The following COBL variants were observed in gnomAD, a reference collection of about 807,000 sequenced individuals.
COBL encodes the protein cordon-bleu WH2 repeat protein.
Under a neutral mutation model 98.8 loss-of-function variants are expected in COBL, and 51 were observed. The ratio of observed to expected loss-of-function variants is 0.52; its 90% confidence interval spans 0.41 to 0.65. The LOEUF is 0.65. Ranked by LOEUF, COBL falls within the 30% of genes least tolerant of loss-of-function variation. The probability of loss-of-function intolerance (pLI) is 0.00; values close to 1 mark genes in which losing one functional copy is unlikely to be tolerated. For synonymous variants in COBL, 634 were observed against 651.7 expected (o/e 0.97, Z 0.41); for missense variants, 1,617 against 1,617.5 (o/e 1.00, Z 0.01).
chr7:51,286,323 T>C (rs1800356302), intron 1 of COBL, among the ~76,000 whole-genome samples: 1 of 131,876 alleles, frequency 7.6e-6, no homozygotes, highest in Non-Finnish European at 1.6e-5. Context: ...AAACACAAGA[T>C]ACTGACTGAA....
chr7:51,127,651 AAC>A (rs1187020429), intron 6 of COBL, among the ~76,000 whole-genome samples: 1 of 152,210 alleles, frequency 6.6e-6, no homozygotes, highest in African/African-American at 2.4e-5. Context: ...CATAGGAACA[AAC>A]ACACAAAAGA....
intron 5 of COBL, among the ~76,000 whole-genome samples, chr7:51,166,606 G>C (rs185898615): frequency 6.6e-6 from 1 of 152,052 alleles, no homozygotes; most frequent in East Asian, 1.9e-4. Flanking sequence ...CATTCTATGA[G>C]GCCAGTATTA....
chr7:51,171,498 G>A (rs1236887972), intron 5 of COBL, among the ~76,000 whole-genome samples: 1 of 152,068 alleles, frequency 6.6e-6, no homozygotes, highest in Non-Finnish European at 1.5e-5. Context: ...AATTAATGTT[G>A]AACCTTTTCT....
At chr7:51,193,721 A>G (rs533146200) in intron 2 of COBL, 132 bp from the exon 3 acceptor site, 1 of 755,166 alleles carries the variant, frequency 1.3e-6, no homozygotes, top group Admixed American at 2.7e-5. Context: ...AAAAGACAAC[A>G]GAAGCTCATT....
intron 1 of COBL, among the ~76,000 whole-genome samples, chr7:51,265,114 A>C (rs1368513150): frequency 6.6e-6 from 1 of 152,104 alleles, no homozygotes; most frequent in African/African-American, 2.4e-5. Context: ...CCACTCAAGA[A>C]AGTCTACACA....
intron 7 of COBL, chr7:51,073,480 A>C: frequency 1.8e-6 from 1 of 557,326 alleles, no homozygotes; most frequent in African/African-American, 1.9e-5. Flanking sequence ...CTGGAGATTT[A>C]ACACTGCATA....
intron 6 of COBL, among the ~76,000 whole-genome samples, chr7:51,087,491 GGTT>G (rs747129650): frequency 3.9e-4 from 59 of 151,818 alleles, no homozygotes; most frequent in Non-Finnish European, 7.5e-4. Context: ...GGGTTTTTTT[GGTT>G]GTTGTTGTTG....
rs202039697 is a variant in COBL, at chr7:51,272,948, CCAACAACAACAACAA to C, written c.41+43630_41+43644del. 5.8e-4 allele frequency among the ~76,000 whole-genome samples: 85 copies of C among 146,204 alleles called. No homozygotes were observed. The South Asian group carries it at 0.015, about 26-fold the overall frequency. ...GCGTTTTCATCTATGGAACACAATA[CCAACAACAACAACAA>C]CAACAACAACAACAACAACAACAAA... On this transcript the variant is annotated intron_variant, in intron 1 of 12. Coordinates refer to ENST00000265136, the MANE Select transcript of COBL (RefSeq NM_015198.5).
At chr7:51,159,812 C>A (rs1041115559) in intron 5 of COBL, among the ~76,000 whole-genome samples, 4 of 152,140 alleles carry the variant, frequency 2.6e-5, no homozygotes, top group Non-Finnish European at 5.9e-5. Flanking sequence ...AAAAATTCAT[C>A]AAAGCTTTAA....
rs186571075 is a variant in COBL, at chr7:51,067,237, A to G, written c.1096+17929T>C. 3.1e-3 allele frequency among the ~76,000 whole-genome samples: 468 copies of G among 152,388 alleles called. 1 individual carries two copies. Among genetic ancestry groups the G allele is most frequent in the Non-Finnish European group, 5.5e-3 (375 of 68,040 alleles). On this transcript the variant is annotated intron_variant, in intron 7 of 12. Coordinates refer to ENST00000265136, the MANE Select transcript of COBL (RefSeq NM_015198.5). ...ACACACAGTGTATACACATGGATGT[A>G]TGAGTGCACGCACGTGTTATGTATA...
chr7:51,142,383 A>ATTTTTTTTTTTTTTTTTTTTTTTT (rs10608547), intron 5 of COBL, among the ~76,000 whole-genome samples: 1 of 71,412 alleles, frequency 1.4e-5, no homozygotes, highest in Non-Finnish European at 3.0e-5. Flanking sequence ...CTGGTATTTG[A>ATTTTTTTTTTTTTTTTTTTTTTTT]TTTTTTTTTT....
At chr7:51,265,441 T>A (rs553354714) in intron 1 of COBL, among the ~76,000 whole-genome samples, 1 of 152,272 alleles carries the variant, frequency 6.6e-6, no homozygotes, top group East Asian at 1.9e-4. Flanking sequence ...CCAGGCTGGA[T>A]GGGGACAGGC....
chr7:51,052,567 G>C (rs1024693920), intron 7 of COBL, among the ~76,000 whole-genome samples: 5 of 152,146 alleles, frequency 3.3e-5, no homozygotes, highest in Non-Finnish European at 7.4e-5. Flanking sequence ...CAAAGCTGGT[G>C]TCTTAGTTTT....
chr7:51,267,452 A>G (rs547627388), intron 1 of COBL, among the ~76,000 whole-genome samples: 95 of 151,890 alleles, frequency 6.3e-4, no homozygotes, highest in African/African-American at 2.1e-3. Flanking sequence ...CTCTACTTCC[A>G]TTTTCATACA....
chr7:51,036,876 T>C (rs778071534), intron 8 of COBL, among the ~76,000 whole-genome samples: 7 of 152,344 alleles, frequency 4.6e-5, no homozygotes, highest in Middle Eastern at 3.4e-3. Flanking sequence ...TCCTGTGGAA[T>C]TGATGTTCCC....
chr7:51,022,070 T>C (rs752092666), intron 12 of COBL, among the ~76,000 whole-genome samples: 15 of 152,078 alleles, frequency 9.9e-5, no homozygotes, highest in Non-Finnish European at 1.6e-4. Flanking sequence ...GGTTCTGTGA[T>C]AAAGCGTCAA....
intron 1 of COBL, among the ~76,000 whole-genome samples, chr7:51,313,133 C>T (rs895227937): frequency 1.3e-5 from 2 of 152,112 alleles, no homozygotes; most frequent in Admixed American, 6.5e-5. Context: ...TTTTATGTAA[C>T]AGTTCATTAT....
intron 5 of COBL, among the ~76,000 whole-genome samples, chr7:51,156,859 T>C (rs1170733592): frequency 1.3e-5 from 2 of 152,126 alleles, no homozygotes; most frequent in Admixed American, 6.5e-5. Context: ...GTACTTAAAA[T>C]AGAAACACAG....
intron 3 of COBL, among the ~76,000 whole-genome samples, chr7:51,191,874 A>G (rs1253080435): frequency 6.6e-6 from 1 of 152,174 alleles, no homozygotes; most frequent in Non-Finnish European, 1.5e-5. Context: ...AGATTGAACA[A>G]AAGAGCAGCA....
Sources: allele counts gnomAD v4.1 joint callset (sites outside exome capture counted in the v4.1 genomes callset), GRCh38; gene constraint gnomAD v4.1.1; transcripts MANE v1.5; gene names NCBI Gene and HGNC (gene_info 2026-07-23, HGNC 2026-07-21).